Variants in PLXNA1 observed in about 807,000 individuals in gnomAD.
PLXNA1 encodes the protein plexin-A1.
PLXNA1 carries 77 observed loss-of-function variants against 191.7 expected under a neutral mutation model. That is an observed-to-expected ratio of 0.40 (90% CI 0.33 to 0.49). PLXNA1 has a LOEUF of 0.49. Among genes scored for constraint, PLXNA1 ranks in the 20% least tolerant of loss-of-function variants. The pLI, the probability that PLXNA1 is intolerant of heterozygous loss-of-function variation, is 0.63. For synonymous variants in PLXNA1, 1,137 were observed against 1,156.4 expected, an observed-to-expected ratio of 0.98 and a Z score of 0.34; for missense variants, 2,110 against 2,660.2, an observed-to-expected ratio of 0.79 and a Z score of 4.55.
chr3:126,999,545 C>A (rs1211786285), intron 3 of PLXNA1, among the ~76,000 whole-genome samples: 2 of 152,336 alleles, frequency 1.3e-5, no homozygotes, highest in East Asian at 3.9e-4. Flanking sequence ...TGGCACATAG[C>A]CTGGGTGGCC....
rs535870832 is a variant in PLXNA1, at chr3:127,036,730, G to A, written c.*2713G>A. 1 of 152,352 alleles carries A rather than the reference G, an allele frequency of 6.6e-6. No individual in the cohort carries two copies. The highest frequency in any genetic ancestry group is 2.4e-5 in the African/African-American group (1 of 41,570). 9.4% of individuals were successfully genotyped at this position (152,352 alleles called of 1,614,324 possible). A position where few individuals can be genotyped will look rare whatever the true frequency, so the allele number is the denominator to read the frequency against. On this transcript the variant is annotated 3_prime_UTR_variant, in exon 32 of 32. Coordinates refer to ENST00000393409, the MANE Select transcript of PLXNA1 (RefSeq NM_032242.4). Reference sequence around the variant, plus strand: ...GCGGTGAGCGGCTCCCATGGGCCCTGTGTCTGCAGGGAGCCAGGGCTGCGG... The same window carrying A: ...GCGGTGAGCGGCTCCCATGGGCCCTATGTCTGCAGGGAGCCAGGGCTGCGG...
intron 20 of PLXNA1, 29 bp from the exon 21 acceptor site, chr3:127,020,173 G>T (rs2079145367): frequency 6.2e-7 from 1 of 1,609,202 alleles, no homozygotes. Context: ...ACCAGGGCAT[G>T]CTGCCCCTGA....
In PLXNA1 at chr3:126,999,688, G is replaced by A. The variant is rs530806169; in HGVS notation, c.1378-3642G>A. Among the ~76,000 whole-genome samples the A allele has an allele frequency of 5.9e-5, 9 of 152,316 alleles. No individual in the cohort carries two copies. In the East Asian group the frequency reaches 9.7e-4, roughly 16 times the overall value. On this transcript the variant is annotated intron_variant, in intron 3 of 31. Coordinates refer to ENST00000393409, the MANE Select transcript of PLXNA1 (RefSeq NM_032242.4). ...GGCAGCAGTTGGCCAGGGCTGTGGC[G>A]GTGATGGGAGTGGGTACAGCCAGCA...
chr3:127,012,261 C>T (rs189032977), intron 10 of PLXNA1, 103 bp downstream of exon 10: 61 of 1,155,922 alleles, frequency 5.3e-5, no homozygotes, highest in African/African-American at 3.8e-4. Flanking sequence ...GGGCAGTGCA[C>T]GTGCTCACGT....
At chr3:126,994,786 C>T (rs1450640278) in intron 3 of PLXNA1, among the ~76,000 whole-genome samples, 1 of 152,148 alleles carries the variant, frequency 6.6e-6, no homozygotes, top group Admixed American at 6.5e-5. Flanking sequence ...CATGCTGAGC[C>T]CGGCCCCTGG....
At chr3:127,029,656 T>C in intron 27 of PLXNA1, 120 bp downstream of exon 27, 1 of 1,174,298 alleles carries the variant, frequency 8.5e-7, no homozygotes, top group Non-Finnish European at 1.2e-6. Context: ...GTGTCAAGCC[T>C]GTCACTCGCA....
At chr3:127,004,766 G>T in intron 5 of PLXNA1, 55 bp downstream of exon 5, 8 of 1,589,276 alleles carry the variant, frequency 5.0e-6, no homozygotes, top group Non-Finnish European at 6.9e-6. Context: ...TGGTCTCACA[G>T]TGGGGGAGGG....
At chr3:127,033,260 G>T (rs2079221704) in intron 31 of PLXNA1, among the ~76,000 whole-genome samples, 1 of 152,228 alleles carries the variant, frequency 6.6e-6, no homozygotes, top group South Asian at 2.1e-4. Flanking sequence ...ACATGGACCT[G>T]GGGACGGGGT....
In PLXNA1 at chr3:127,029,526, C is replaced by T. The variant is rs769218566; in HGVS notation, c.4860C>T (p.Leu1620=). ...ACTCCTCCACCTTCACCAAGTCCCT[C>T]AGCAGATACGGTGAGGGGCCAGGCA... ...ISNSSTFTKS[L]SRYESMLRTA... is the part of the protein sequence containing the mutation. The change falls in exon 27 of 32, where the codon CTC becomes CTT. Residue 1620 remains leucine (L), a synonymous_variant. Coordinates refer to ENST00000393409, the MANE Select transcript of PLXNA1 (RefSeq NM_032242.4). 8 of 1,613,738 alleles carry T rather than the reference C, an allele frequency of 5.0e-6. No homozygotes were observed. Among genetic ancestry groups the T allele is most frequent in the Middle Eastern group, 3.3e-4 (2 of 6,082 alleles).
intron 1 of PLXNA1, among the ~76,000 whole-genome samples, chr3:126,985,767 G>A (rs1287724373): frequency 2.0e-5 from 3 of 152,354 alleles, no homozygotes; most frequent in East Asian, 1.9e-4. Context: ...CTGGAAGCTC[G>A]AAATTTGGGC....
intron 3 of PLXNA1, among the ~76,000 whole-genome samples, chr3:126,992,845 G>A (rs890526914): frequency 2.0e-5 from 3 of 152,078 alleles, no homozygotes; most frequent in African/African-American, 7.2e-5. Flanking sequence ...GCTCTGGTGC[G>A]AGGCCCCTCC....
chr3:126,989,372 C>G lies in PLXNA1; in HGVS notation c.779C>G (p.Thr260Arg), dbSNP rs201617251. The change falls in exon 2 of 32, where the codon ACG becomes AGG. Residue 260 changes from threonine to arginine, a missense_variant. By Grantham distance (71) the Thr-to-Arg change is moderately conservative. Coordinates refer to ENST00000393409, the MANE Select transcript of PLXNA1 (RefSeq NM_032242.4). The part of the protein sequence containing the change: ...FRSEQFVYYL[T>R]LQLDTQLTSP... Reference sequence around the variant, plus strand: ...AGCGAGCAGTTTGTCTACTACCTCACGCTGCAGCTAGACACACAGCTGACC... The same window carrying G: ...AGCGAGCAGTTTGTCTACTACCTCAGGCTGCAGCTAGACACACAGCTGACC... The G allele has an allele frequency of 6.2e-7, 1 of 1,613,512 alleles. No individual in the cohort carries two copies. The highest frequency in any genetic ancestry group is 1.7e-5 in the Admixed American group (1 of 60,018).
chr3:127,015,088 A>C, intron 14 of PLXNA1, 96 bp from the exon 15 acceptor site: 1 of 1,498,788 alleles, frequency 6.7e-7, no homozygotes, highest in Non-Finnish European at 9.0e-7. Flanking sequence ...AGTCTGGGGA[A>C]CTGTCTGTGG....
rs149753009 is a variant in PLXNA1 at position 127,001,067 on chromosome 3, C to T, written c.1378-2263C>T. Among the ~76,000 whole-genome samples, 258 of 152,236 alleles carry T rather than the reference C, an allele frequency of 1.7e-3. 1 individual carries two copies. Among genetic ancestry groups the T allele is most frequent in the Non-Finnish European group, 3.1e-3 (208 of 67,996 alleles). ...CAGCTGTCAGAGCCAACTGTCCAGT[C>T]GGCATGCTGCTGGGTGGAGCGGGGC... is the stretch of plus-strand genomic sequence containing the variant. On this transcript the variant is annotated intron_variant, in intron 3 of 31. Coordinates refer to ENST00000393409, the MANE Select transcript of PLXNA1 (RefSeq NM_032242.4).
At chr3:127,025,244 C>T (rs2079171415) in intron 23 of PLXNA1, among the ~76,000 whole-genome samples, 1 of 152,192 alleles carries the variant, frequency 6.6e-6, no homozygotes, top group Admixed American at 6.5e-5. Flanking sequence ...TCCCCCTGAG[C>T]CCTTGGCACC....
Position 127,027,945 on chromosome 3 carries a change from C to T in PLXNA1, c.4368C>T (p.Cys1456=), listed in dbSNP as rs773379964. ...TCATGCCGCCACCCCCGCAGGAGTGCGCTGGGGAGCCGCTGTTCATGCTGT... is the reference window on the plus strand; with the variant it reads ...TCATGCCGCCACCCCCGCAGGAGTGTGCTGGGGAGCCGCTGTTCATGCTGT... ...TFLLYKFLKE[C]AGEPLFMLYC... is the part of the protein sequence containing the mutation. The change falls in exon 24 of 32, where the codon TGC becomes TGT. Residue 1456 remains cysteine (C), a synonymous_variant. Coordinates refer to ENST00000393409, the MANE Select transcript of PLXNA1 (RefSeq NM_032242.4). 1.2e-5 allele frequency: 19 copies of T among 1,613,072 alleles called. No homozygotes were observed. Among genetic ancestry groups the T allele is most frequent in the East Asian group, 2.2e-5 (1 of 44,828 alleles).
At chr3:126,987,982 C>T (rs1430139906) in intron 1 of PLXNA1, among the ~76,000 whole-genome samples, 1 of 151,970 alleles carries the variant, frequency 6.6e-6, no homozygotes, top group Non-Finnish European at 1.5e-5. Flanking sequence ...AGGGCGTGTT[C>T]GGGGGAGAGG....
At chr3:127,020,141 G>A in intron 20 of PLXNA1, 61 bp from the exon 21 acceptor site, 1 of 1,585,642 alleles carries the variant, frequency 6.3e-7, no homozygotes, top group Non-Finnish European at 8.6e-7. Flanking sequence ...AGAGTGGGAG[G>A]GTTGGGGCAT....
chr3:126,992,113 G>A (rs55983130), intron 3 of PLXNA1, among the ~76,000 whole-genome samples: 15,823 of 152,246 alleles, frequency 0.1, 898 homozygotes, highest in Middle Eastern at 0.22. Flanking sequence ...CTGGCCCCAC[G>A]GTGGCAGGGG....
Sources: gnomAD v4.1 joint callset for allele counts (sites outside exome capture counted in the v4.1 genomes callset) on GRCh38, gnomAD v4.1.1 for gene constraint, MANE v1.5 for transcripts, NCBI Gene and HGNC (gene_info 2026-07-23, HGNC 2026-07-21) for gene names.